The following TTC28 variants were observed in gnomAD, a reference collection of about 807,000 sequenced individuals.
The protein encoded by TTC28 is tetratricopeptide repeat domain 28, also known as tetratricopeptide repeat protein 28.
In TTC28, 61 loss-of-function variants were observed where a neutral mutation model predicts 198.0. That is an observed-to-expected ratio of 0.31 (90% CI 0.25 to 0.38). The LOEUF is 0.38. Among genes scored for constraint, TTC28 ranks in the 10% least tolerant of loss-of-function variants. The pLI is 1.00. For synonymous variants in TTC28, 1,171 were observed against 1,297.8 expected, an observed-to-expected ratio of 0.90 and a Z score of 2.10; for missense variants, 2,678 against 3,164.0, an observed-to-expected ratio of 0.85 and a Z score of 3.69.
At chr22:28,303,474 A>C (rs1318726419) in intron 3 of TTC28, among the ~76,000 whole-genome samples, 2 of 152,220 alleles carry the variant, frequency 1.3e-5, no homozygotes, top group Non-Finnish European at 2.9e-5. Flanking sequence ...ATTTGTGTGC[A>C]TGAGTGAAAC....
chr22:28,637,200 C>T (rs1215295540), intron 1 of TTC28, among the ~76,000 whole-genome samples: 1 of 151,896 alleles, frequency 6.6e-6, no homozygotes, highest in East Asian at 1.9e-4. Flanking sequence ...TTAGTAGAGA[C>T]AGGGTTTCAC....
chr22:28,523,077 G>C (rs1189635795), intron 2 of TTC28, among the ~76,000 whole-genome samples: 2 of 152,042 alleles, frequency 1.3e-5, no homozygotes, highest in East Asian at 3.9e-4. Context: ...TTGAAAAAAA[G>C]TAAAACAAAA....
intron 12 of TTC28, among the ~76,000 whole-genome samples, chr22:28,082,371 G>T (rs1941400451): frequency 6.6e-6 from 1 of 152,176 alleles, no homozygotes; most frequent in Non-Finnish European, 1.5e-5. Context: ...TCATTAGTAT[G>T]ATGTTAGCTG....
At chr22:28,136,272 G>T (rs535106867) in intron 6 of TTC28, among the ~76,000 whole-genome samples, 3 of 152,170 alleles carry the variant, frequency 2.0e-5, no homozygotes, top group East Asian at 1.9e-4. Flanking sequence ...AGCCTCTCAA[G>T]TAGTTGAAAA....
chr22:28,334,404 C>G (rs1165805423), intron 2 of TTC28, among the ~76,000 whole-genome samples: 1 of 152,160 alleles, frequency 6.6e-6, no homozygotes, highest in Non-Finnish European at 1.5e-5. Flanking sequence ...ATTTCTAGTT[C>G]TAGATCCCTG....
At chr22:28,362,860 A>G (rs1253600779) in intron 2 of TTC28, among the ~76,000 whole-genome samples, 1 of 152,184 alleles carries the variant, frequency 6.6e-6, no homozygotes, top group Non-Finnish European at 1.5e-5. Context: ...TAAGCAGCAA[A>G]GCATTCAAGA....
At chr22:28,571,595 G>A (rs2050060858) in intron 2 of TTC28, among the ~76,000 whole-genome samples, 1 of 152,150 alleles carries the variant, frequency 6.6e-6, no homozygotes, top group African/African-American at 2.4e-5. Context: ...AAGGGCAGCA[G>A]GATAATCTGA....
At chr22:28,629,196 T>C (rs907665593) in intron 2 of TTC28, among the ~76,000 whole-genome samples, 2 of 152,066 alleles carry the variant, frequency 1.3e-5, no homozygotes, top group African/African-American at 2.4e-5. Context: ...TTATTTTAAA[T>C]TGAAGGAAAG....
chr22:28,079,393 C>T (rs769580264), intron 12 of TTC28, among the ~76,000 whole-genome samples: 8 of 152,128 alleles, frequency 5.3e-5, no homozygotes, highest in Non-Finnish European at 7.4e-5. Context: ...AATTTATTCT[C>T]GTAACCATTT....
At chr22:28,387,254 T>G (rs1436465855) in intron 2 of TTC28, among the ~76,000 whole-genome samples, 2 of 152,236 alleles carry the variant, frequency 1.3e-5, no homozygotes, top group Non-Finnish European at 2.9e-5. Context: ...CGTTGGACAT[T>G]TGGGTTGGTT....
At position 28,288,408 on chromosome 22, in the gene TTC28, G is replaced by A. The variant is rs551829572; in HGVS notation, c.933+7790C>T. ...CATATGTATGACCAAATACCTAATAGAAATAAGTGCGATGCTCATCAAAAG... is the reference window on the plus strand; with the variant it reads ...CATATGTATGACCAAATACCTAATAAAAATAAGTGCGATGCTCATCAAAAG... On this transcript the variant is annotated intron_variant, in intron 5 of 22. Transcript: ENST00000397906. Among the ~76,000 whole-genome samples the A allele has an allele frequency of 2.4e-4, 37 of 152,256 alleles. 1 individual carries two copies. The South Asian group carries it at 7.0e-3, about 29-fold the overall frequency.
chr22:28,333,857 A>G (rs1193152247), intron 2 of TTC28, among the ~76,000 whole-genome samples: 1 of 151,834 alleles, frequency 6.6e-6, no homozygotes, highest in Non-Finnish European at 1.5e-5. Context: ...TTTATTTTTT[A>G]TTTTTTATTA....
At chr22:28,067,062 T>C (rs1940784430) in intron 12 of TTC28, among the ~76,000 whole-genome samples, 1 of 152,178 alleles carries the variant, frequency 6.6e-6, no homozygotes, top group South Asian at 2.1e-4. Flanking sequence ...ACCCAAATCC[T>C]CCTTCCACTT....
chr22:28,019,326 T>C (rs28375646), intron 13 of TTC28, among the ~76,000 whole-genome samples: 9,142 of 152,314 alleles, frequency 0.06, 377 homozygotes, highest in South Asian at 0.091. Flanking sequence ...ATCTCCTCTA[T>C]GTAGGCAAGC....
At chr22:28,483,791 T>C (rs1432219556) in intron 2 of TTC28, among the ~76,000 whole-genome samples, 1 of 152,168 alleles carries the variant, frequency 6.6e-6, no homozygotes. Flanking sequence ...CTCAAAGTAT[T>C]AAACCCCACA....
At chr22:28,147,089 G>A (rs960809562) in intron 6 of TTC28, among the ~76,000 whole-genome samples, 1 of 152,172 alleles carries the variant, frequency 6.6e-6, no homozygotes, top group African/African-American at 2.4e-5. Context: ...TTGAGAACAG[G>A]CTTAGTCAGC....
intron 6 of TTC28, among the ~76,000 whole-genome samples, chr22:28,131,440 T>C (rs1943057646): frequency 1.3e-5 from 2 of 152,194 alleles, no homozygotes; most frequent in Admixed American, 1.3e-4. Context: ...GCAACACACT[T>C]CTGTACACCG....
chr22:28,357,881 C>T (rs1004412042), intron 2 of TTC28, among the ~76,000 whole-genome samples: 4 of 152,010 alleles, frequency 2.6e-5, no homozygotes, highest in Non-Finnish European at 4.4e-5. Flanking sequence ...ACATGAGAGC[C>T]GATTCGTCGA....
chr22:28,135,290 T>C (rs184151038), intron 6 of TTC28, among the ~76,000 whole-genome samples: 13 of 152,316 alleles, frequency 8.5e-5, no homozygotes, highest in African/African-American at 3.1e-4. Context: ...ATTCTTTGGG[T>C]TCTCTTTTAT....
Sources: gnomAD v4.1 joint callset for allele counts (sites outside exome capture counted in the v4.1 genomes callset) on GRCh38, gnomAD v4.1.1 for gene constraint, MANE v1.5 for transcripts, NCBI Gene and HGNC (gene_info 2026-07-23, HGNC 2026-07-21) for gene names.